ZDHHC17: variants seen among roughly 807,000 people sequenced by gnomAD.
ZDHHC17 encodes the protein zDHHC palmitoyltransferase 17.
In ZDHHC17, 40 loss-of-function variants were observed where a neutral mutation model predicts 90.3. The observed-to-expected ratio is 0.44, with a 90% CI of 0.34 to 0.58. ZDHHC17 has a LOEUF of 0.58. Ranked by LOEUF, ZDHHC17 falls within the 20% of genes least tolerant of loss-of-function variation. ZDHHC17 has a pLI of 0.01. For synonymous variants in ZDHHC17, 235 were observed against 252.4 expected, an observed-to-expected ratio of 0.93 and a Z score of 0.65; for missense variants, 614 against 780.8, an observed-to-expected ratio of 0.79 and a Z score of 2.55.
chr12:76,848,504 A>G, intron 15 of ZDHHC17, 114 bp downstream of exon 15: 1 of 1,186,506 alleles, frequency 8.4e-7, no homozygotes, highest in Non-Finnish European at 1.1e-6. Flanking sequence ...TATTCATTTT[A>G]TTTTTCAATT....
intron 7 of ZDHHC17, among the ~76,000 whole-genome samples, chr12:76,820,127 T>C (rs1379773158): frequency 1.3e-5 from 2 of 152,078 alleles, no homozygotes; most frequent in African/African-American, 4.8e-5. Flanking sequence ...CAGTAGACTT[T>C]GGTTGGAGGA....
At chr12:76,776,368 C>T (rs1285875437) in intron 1 of ZDHHC17, among the ~76,000 whole-genome samples, 2 of 152,008 alleles carry the variant, frequency 1.3e-5, no homozygotes, top group Admixed American at 6.6e-5. Flanking sequence ...CCCACAGTTC[C>T]CTGTCCCCAG....
At chr12:76,821,834 T>A (rs897730678) in intron 7 of ZDHHC17, among the ~76,000 whole-genome samples, 3 of 152,196 alleles carry the variant, frequency 2.0e-5, no homozygotes, top group Admixed American at 1.3e-4. Flanking sequence ...AGATACAAAT[T>A]CATAACTTGA....
intron 5 of ZDHHC17, among the ~76,000 whole-genome samples, chr12:76,812,186 T>C (rs1953032383): frequency 6.6e-6 from 1 of 152,198 alleles, no homozygotes; most frequent in African/African-American, 2.4e-5. Flanking sequence ...ACTCTTCCAA[T>C]GTGCATTGCA....
intron 16 of ZDHHC17, among the ~76,000 whole-genome samples, chr12:76,849,899 A>C (rs1953542126): frequency 6.6e-6 from 1 of 152,146 alleles, no homozygotes; most frequent in South Asian, 2.1e-4. Context: ...TACAAAAATT[A>C]TATAAGGCAC....
At chr12:76,775,855 T>C (rs894271777) in intron 1 of ZDHHC17, among the ~76,000 whole-genome samples, 2 of 152,148 alleles carry the variant, frequency 1.3e-5, no homozygotes, top group Non-Finnish European at 2.9e-5. Context: ...CTATGTTCTT[T>C]CACTGAAATT....
intron 1 of ZDHHC17, among the ~76,000 whole-genome samples, chr12:76,792,721 T>C (rs943010447): frequency 6.6e-6 from 1 of 152,148 alleles, no homozygotes; most frequent in Non-Finnish European, 1.5e-5. Flanking sequence ...GTGACTATAA[T>C]TTTAAAAAAA....
At position 76,848,239 on chromosome 12, in the gene ZDHHC17, G is replaced by A. The variant is rs1230044812; in HGVS notation, c.1514G>A (p.Gly505Glu). The A allele has an allele frequency of 6.2e-7, 1 of 1,613,860 alleles. No homozygotes were observed. The highest frequency in any genetic ancestry group is 1.1e-5 in the South Asian group (1 of 91,058). The change falls in exon 15 of 17, where the codon GGA (glycine) becomes GAA (glutamate). Residue 505 changes from glycine to glutamate, a missense_variant. Transcript: ENST00000426126. ...WMIYGCISYWGLHCETTYTKD... is the reference protein window; with the variant it reads ...WMIYGCISYWELHCETTYTKD... ...ACTTCTGTTCTGGCTTTAGACTGGG[G>A]ACTCCACTGTGAGACCACTTACACC...
intron 5 of ZDHHC17, among the ~76,000 whole-genome samples, chr12:76,810,180 C>T (rs1429958607): frequency 2.6e-5 from 4 of 152,058 alleles, no homozygotes; most frequent in Admixed American, 2.0e-4. Context: ...TTCATCCAAA[C>T]TTTTTTGAAC....
At chr12:76,824,312 A>G (rs919411131) in intron 8 of ZDHHC17, among the ~76,000 whole-genome samples, 1 of 152,064 alleles carries the variant, frequency 6.6e-6, no homozygotes, top group African/African-American at 2.4e-5. Context: ...TTTCATTAGT[A>G]GCTTTAAATA....
intron 10 of ZDHHC17, among the ~76,000 whole-genome samples, chr12:76,841,526 A>G (rs544186077): frequency 6.6e-6 from 1 of 152,184 alleles, no homozygotes; most frequent in African/African-American, 2.4e-5. Flanking sequence ...GCAAGCTTAT[A>G]TTTTTTCTGA....
At chr12:76,773,531 G>A (rs918979935) in intron 1 of ZDHHC17, among the ~76,000 whole-genome samples, 2 of 152,138 alleles carry the variant, frequency 1.3e-5, no homozygotes, top group African/African-American at 4.8e-5. Context: ...TTTCACAGTA[G>A]TTCTGCAAAG....
intron 1 of ZDHHC17, among the ~76,000 whole-genome samples, chr12:76,794,374 C>G (rs1952795093): frequency 1.3e-5 from 2 of 152,006 alleles, no homozygotes; most frequent in Non-Finnish European, 2.9e-5. Context: ...TTGTGATTAT[C>G]TTGATAGAGT....
intron 1 of ZDHHC17, among the ~76,000 whole-genome samples, chr12:76,792,333 T>C (rs920006915): frequency 2.0e-5 from 3 of 152,172 alleles, no homozygotes; most frequent in African/African-American, 7.2e-5. Context: ...CCACAATAGG[T>C]CTAGCATTTT....
chr12:76,797,401 A>T (rs752596123), intron 1 of ZDHHC17, 33 bp from the exon 2 acceptor site: 1 of 1,514,572 alleles, frequency 6.6e-7, no homozygotes, highest in Admixed American at 1.9e-5. Context: ...TCTTTTTTCA[A>T]TTCTTGCCTG....
At chr12:76,784,605 C>T (rs879516707) in intron 1 of ZDHHC17, among the ~76,000 whole-genome samples, 1 of 152,128 alleles carries the variant, frequency 6.6e-6, no homozygotes, top group Non-Finnish European at 1.5e-5. Flanking sequence ...CAGTAACGAA[C>T]ACCATAGACA....
chr12:76,844,159 T>C (rs1040677682), intron 12 of ZDHHC17: 2 of 152,210 alleles, frequency 1.3e-5, no homozygotes, highest in Admixed American at 6.5e-5. Flanking sequence ...AAACAAATTA[T>C]ATAGTCATTC....
At chr12:76,777,501 G>A (rs1952572281) in intron 1 of ZDHHC17, among the ~76,000 whole-genome samples, 1 of 152,146 alleles carries the variant, frequency 6.6e-6, no homozygotes, top group Non-Finnish European at 1.5e-5. Flanking sequence ...AAACATTTGT[G>A]TACAAGTATT....
In ZDHHC17 at chr12:76,849,323, CAAA is replaced by C. The variant is rs34062414; in HGVS notation, c.1666-37_1666-35del. On this transcript the variant is annotated intron_variant, in intron 15 of 16. Coordinates refer to ENST00000426126, the MANE Select transcript of ZDHHC17 (RefSeq NM_015336.4). Reference sequence around the variant, plus strand: ...TGGGTGACAGGGCAAGGTCCTGTCTCAAAAAAAAAAAAAAAAAACAAGAATAAT... The same window carrying C: ...TGGGTGACAGGGCAAGGTCCTGTCTCAAAAAAAAAAAAAAACAAGAATAAT... 1,971 of 452,860 alleles carry C rather than the reference CAAA, an allele frequency of 4.4e-3. 2 individuals are homozygous for C. Among genetic ancestry groups the C allele is most frequent in the Middle Eastern group, 0.01 (16 of 1,542 alleles). The allele number at this position is 452,860 out of a possible 1,614,324, so 28.1% of individuals were successfully genotyped here. A position where few individuals can be genotyped will look rare whatever the true frequency, so the allele number is the denominator to read the frequency against.
Sources: allele counts gnomAD v4.1 joint callset (sites outside exome capture counted in the v4.1 genomes callset), GRCh38; gene constraint gnomAD v4.1.1; transcripts MANE v1.5; gene names NCBI Gene and HGNC (gene_info 2026-07-23, HGNC 2026-07-21).